Variants in DOCK3 observed in about 807,000 individuals in gnomAD.
The protein encoded by DOCK3 is dedicator of cytokinesis 3.
In DOCK3, 60 loss-of-function variants were observed where a neutral mutation model predicts 265.6. The ratio of observed to expected loss-of-function variants is 0.23; its 90% CI spans 0.18 to 0.28. DOCK3 has a LOEUF of 0.28. Among genes scored for constraint, DOCK3 ranks in the 10% least tolerant of loss-of-function variants. DOCK3 has a pLI of 1.00. For synonymous variants in DOCK3, 881 were observed against 938.0 expected, an observed-to-expected ratio of 0.94 and a Z score of 1.11; for missense variants, 1,981 against 2,594.3, an observed-to-expected ratio of 0.76 and a Z score of 5.14.
chr3:51,126,637 C>T (rs536230429), intron 9 of DOCK3, among the ~76,000 whole-genome samples: 29 of 152,290 alleles, frequency 1.9e-4, no homozygotes, highest in African/African-American at 6.3e-4. Flanking sequence ...TATTCATCTA[C>T]ATGCTTGTTA....
At chr3:51,142,823 AC>A (rs1026300400) in intron 9 of DOCK3, among the ~76,000 whole-genome samples, 1 of 152,158 alleles carries the variant, frequency 6.6e-6, no homozygotes, top group Non-Finnish European at 1.5e-5. Flanking sequence ...TTGCATTCTT[AC>A]CAACAGTTTA....
intron 2 of DOCK3, chr3:50,787,736 C>T: frequency 2.5e-6 from 3 of 1,222,870 alleles, no homozygotes; most frequent in Admixed American, 3.5e-5. Flanking sequence ...GTAACGCTGA[C>T]TTTCTCTGTT....
At chr3:50,709,924 G>A (rs940763603) in intron 1 of DOCK3, among the ~76,000 whole-genome samples, 1 of 152,148 alleles carries the variant, frequency 6.6e-6, no homozygotes, top group African/African-American at 2.4e-5. Context: ...TGGAAGCTGG[G>A]CATGCTGATG....
chr3:51,025,729 A>G (rs1019381701), intron 5 of DOCK3, among the ~76,000 whole-genome samples: 2 of 152,302 alleles, frequency 1.3e-5, no homozygotes, highest in Admixed American at 1.3e-4. Context: ...CCTGTGAGAT[A>G]TAGTCAGGAA....
At chr3:51,326,581 GTTT>G (rs369204274) in intron 32 of DOCK3, among the ~76,000 whole-genome samples, 15 of 130,746 alleles carry the variant, frequency 1.1e-4, no homozygotes, top group South Asian at 5.7e-4. Flanking sequence ...CGCCTGGCAT[GTTT>G]TGTTGTTGTT....
chr3:51,016,555 ATCATATATTATATATATAT>A (rs1315891296), intron 5 of DOCK3, among the ~76,000 whole-genome samples: 2 of 1,850 alleles, frequency 1.1e-3, no homozygotes, highest in Non-Finnish European at 1.5e-3. Context: ...ATTTATATAT[ATCATATATTATATATATAT>A]TTATATATAT....
chr3:50,844,644 G>A (rs1325744209), intron 3 of DOCK3, among the ~76,000 whole-genome samples: 1 of 152,094 alleles, frequency 6.6e-6, no homozygotes, highest in African/African-American at 2.4e-5. Flanking sequence ...AGGAGAAACT[G>A]GGGTGATTAT....
rs1206294263 is a variant in DOCK3, at chr3:51,090,264, G to C, written c.626G>C (p.Cys209Ser). Residue 209 changes from cysteine (C) to serine (S), a missense_variant, in exon 9 of 53, where the codon TGT (cysteine) becomes TCT (serine). Cys to Ser is a moderately radical substitution (Grantham distance 112, BLOSUM62 -1). Coordinates refer to ENST00000266037, the MANE Select transcript of DOCK3 (RefSeq NM_004947.5). ...DTMRPRHGET[C>S]RMPVPHHFFL... The stretch of plus-strand genomic sequence containing the variant: ...ATGCGCCCACGTCATGGGGAAACAT[G>C]TCGGATGCCAGTGCCACATCACTTC... 1 of 1,597,562 alleles carries C rather than the reference G, an allele frequency of 6.3e-7. No homozygotes were observed. Among genetic ancestry groups the C allele is most frequent in the South Asian group, 1.1e-5 (1 of 88,118 alleles).
intron 5 of DOCK3, among the ~76,000 whole-genome samples, chr3:50,945,359 C>T (rs1440457381): frequency 6.6e-6 from 1 of 151,816 alleles, no homozygotes; most frequent in Non-Finnish European, 1.5e-5. Flanking sequence ...TAATATAATA[C>T]TTTAGTATTT....
At chr3:50,708,491 G>T (rs901694972) in intron 1 of DOCK3, among the ~76,000 whole-genome samples, 3 of 152,184 alleles carry the variant, frequency 2.0e-5, no homozygotes, top group Non-Finnish European at 2.9e-5. Context: ...GGATGTGGTT[G>T]TAGGGCCCTA....
At chr3:50,779,973 G>A (rs576885810) in intron 2 of DOCK3, among the ~76,000 whole-genome samples, 5 of 152,300 alleles carry the variant, frequency 3.3e-5, no homozygotes, top group South Asian at 4.1e-4. Context: ...TGGGTATAGA[G>A]CCAATGTATA....
chr3:50,690,085 T>G (rs926816186), intron 1 of DOCK3, among the ~76,000 whole-genome samples: 4 of 152,150 alleles, frequency 2.6e-5, no homozygotes, highest in Admixed American at 2.6e-4. Flanking sequence ...TGTTTATAAT[T>G]TATTTTTATT....
chr3:51,034,084 T>C (rs1036470971), intron 5 of DOCK3, among the ~76,000 whole-genome samples: 2 of 152,166 alleles, frequency 1.3e-5, no homozygotes, highest in Non-Finnish European at 2.9e-5. Flanking sequence ...TAGCTTGTTA[T>C]GTTAGTGTGA....
intron 1 of DOCK3, among the ~76,000 whole-genome samples, chr3:50,751,474 A>G (rs184758739): frequency 1.3e-5 from 2 of 152,192 alleles, no homozygotes; most frequent in Non-Finnish European, 2.9e-5. Flanking sequence ...CCCTGTGCCC[A>G]TGTGTTCACA....
chr3:50,742,287 G>A (rs1310181105), intron 1 of DOCK3, among the ~76,000 whole-genome samples: 17 of 152,252 alleles, frequency 1.1e-4, no homozygotes, highest in East Asian at 5.8e-4. Flanking sequence ...AAAGCAGAGC[G>A]CCTCTCCTCC....
chr3:51,228,764 T>G lies in DOCK3; in HGVS notation c.1751T>G (p.Phe584Cys), dbSNP rs1250598460. Residue 584 changes from phenylalanine (F) to cysteine (C), a missense_variant, in exon 18 of 53, where the codon TTC (phenylalanine) becomes TGC (cysteine). Around this residue, in one of 4 missense-constraint regions of DOCK3, gnomAD observed 1,357 missense variants for 1,866.8 expected, o/e 0.73. Transcript: ENST00000266037. ...CCTAATATTCCTTCTAGCCTCATCT[T>G]CCAGCGCAGCACCAAAGAGTCTTTC... ...GCPNIPSSLIFQRSTKESFFI... is the reference protein window; with the variant it reads ...GCPNIPSSLICQRSTKESFFI... The G allele has an allele frequency of 1.9e-6, 3 of 1,613,902 alleles. No homozygotes were observed. The highest frequency in any genetic ancestry group is 2.5e-6 in the Non-Finnish European group (3 of 1,179,896).
intron 14 of DOCK3, among the ~76,000 whole-genome samples, chr3:51,218,191 T>C (rs1392776515): frequency 6.6e-6 from 1 of 151,978 alleles, no homozygotes; most frequent in South Asian, 2.1e-4. Context: ...CCTAGCACTT[T>C]GGGAGGCCGA....
chr3:51,159,162 A>T, intron 10 of DOCK3, 82 bp from the exon 11 acceptor site: 3 of 1,392,652 alleles, frequency 2.2e-6, no homozygotes, highest in Non-Finnish European at 3.0e-6. Context: ...ATACAGTAAA[A>T]GCAAATGACT....
chr3:51,356,917 G>T, intron 43 of DOCK3, 45 bp from the exon 44 acceptor site: 2 of 1,562,100 alleles, frequency 1.3e-6, no homozygotes, highest in Non-Finnish European at 1.7e-6. Context: ...ATGATGAGGG[G>T]TTATCATCAT....
Sources: allele counts gnomAD v4.1 joint callset (sites outside exome capture counted in the v4.1 genomes callset), GRCh38; gene constraint gnomAD v4.1.1; regional missense constraint gnomAD v4.1.1; transcripts MANE v1.5; gene names NCBI Gene and HGNC (gene_info 2026-07-23, HGNC 2026-07-21).